Variants in NBPF15 observed in about 807,000 individuals in gnomAD.
NBPF15 encodes the protein NBPF member 15, also known as NBPF family member NBPF15.
In NBPF15, 74 loss-of-function variants were observed where a neutral mutation model predicts 62.2. That is an observed-to-expected ratio of 1.19 (90% CI 0.99 to 1.44). The LOEUF (loss-of-function observed/expected upper bound fraction) is 1.44. Among genes scored for constraint, NBPF15 ranks in the 40% most tolerant of loss-of-function variants. NBPF15 has a pLI of 0.00. For missense variants in NBPF15, 790 were observed against 550.0 expected (o/e 1.44, Z -4.36); for synonymous variants, 244 against 209.7 (o/e 1.16, Z -1.41).
At chr1:144,428,260 A>G (rs1430017176) in intron 15 of NBPF15, among the ~76,000 whole-genome samples, 6 of 151,802 alleles carry the variant, frequency 4.0e-5, no homozygotes, top group Non-Finnish European at 1.5e-5. Flanking sequence ...TGAGGGAATC[A>G]AAGGACACTC....
chr1:144,457,189 A>G (rs1291341325), intron 3 of NBPF15, among the ~76,000 whole-genome samples: 2 of 152,048 alleles, frequency 1.3e-5, no homozygotes, highest in Non-Finnish European at 2.9e-5. Flanking sequence ...TAAATACTTG[A>G]GTAGCCAGGG....
At chr1:144,459,716 C>T (rs1376247035) in intron 2 of NBPF15, among the ~76,000 whole-genome samples, 1 of 151,592 alleles carries the variant, frequency 6.6e-6, no homozygotes, top group African/African-American at 2.4e-5. Context: ...ACACAAATGA[C>T]AATAAAAGAT....
At chr1:144,453,727 C>T (rs111935999) in intron 4 of NBPF15, among the ~76,000 whole-genome samples, 1 of 142,436 alleles carries the variant, frequency 7.0e-6, no homozygotes, top group African/African-American at 2.6e-5. Context: ...GAGAAAGATG[C>T]TCAAAATCAT....
At chr1:144,429,421 G>A (rs1312771251) in intron 14 of NBPF15, among the ~76,000 whole-genome samples, 1 of 151,388 alleles carries the variant, frequency 6.6e-6, no homozygotes, top group Admixed American at 6.6e-5. Flanking sequence ...GCATAGTTTG[G>A]TGTGAGTTTG....
In NBPF15 at chr1:144,429,202, C is replaced by T. The variant is rs1238727350; in HGVS notation, c.988+498G>A. On this transcript the variant is annotated intron_variant, in intron 14 of 21. Coordinates refer to ENST00000581897, the MANE Select transcript of NBPF15 (RefSeq NM_001385408.1). ...ATGGACAGATGAGCTAAAACAAGCG[C>T]ACTTAGAAGACACAGAAAATGGGAA... Among the ~76,000 whole-genome samples the T allele has an allele frequency of 4.0e-5, 6 of 148,828 alleles. 1 individual carries two copies. Among genetic ancestry groups the T allele is most frequent in the African/African-American group, 1.3e-4 (5 of 38,504 alleles).
At chr1:144,453,424 G>A (rs1412351714) in intron 4 of NBPF15, among the ~76,000 whole-genome samples, 1 of 151,512 alleles carries the variant, frequency 6.6e-6, no homozygotes, top group Non-Finnish European at 1.5e-5. Context: ...TTCAATGATG[G>A]CTTCTTAGAT....
rs1270225013 is a variant in NBPF15, at chr1:144,442,377, T to C, written c.-190-2082A>G. ...ATACACATATATACATGTATACATG[T>C]ATATATATTATACAATATATATAAC... On this transcript the variant is annotated intron_variant, in intron 6 of 21. Coordinates refer to ENST00000581897, the MANE Select transcript of NBPF15 (RefSeq NM_001385408.1). Among the ~76,000 whole-genome samples the C allele has an allele frequency of 1.7e-4, 24 of 140,408 alleles. 1 individual carries two copies. The highest frequency in any genetic ancestry group is 5.5e-4 in the African/African-American group (21 of 38,024). The allele number at this position is 140,408 out of a possible 152,430, so 92.1% of individuals were successfully genotyped here.
intron 4 of NBPF15, among the ~76,000 whole-genome samples, chr1:144,456,049 C>A: frequency 6.6e-6 from 1 of 152,018 alleles, no homozygotes. Flanking sequence ...TTTCCCCATC[C>A]TGGACACATC....
chr1:144,427,717 C>G lies in NBPF15; in HGVS notation c.1213+101G>C, dbSNP rs1200037452. The G allele has an allele frequency of 4.0e-4, 247 of 613,930 alleles. 2 individuals carry two copies. In the African/African-American group the frequency reaches 4.6e-3, roughly 11 times the overall value. 38.0% of individuals were successfully genotyped at this position (613,930 alleles called of 1,614,324 possible). ...ATGTGCCTATAGGTCCTCCCTGTGG[C>G]AATGACATCTCTCAGCTCAGTAAGG... is the stretch of plus-strand genomic sequence containing the variant. On this transcript the variant is annotated intron_variant, in intron 16 of 21. Coordinates refer to ENST00000581897, the MANE Select transcript of NBPF15 (RefSeq NM_001385408.1).
chr1:144,436,335 G>A (rs1245029822), intron 10 of NBPF15, among the ~76,000 whole-genome samples: 3 of 152,002 alleles, frequency 2.0e-5, no homozygotes, highest in Admixed American at 2.0e-4. Flanking sequence ...GAGTGCTCCA[G>A]TCTGAAGCAC....
chr1:144,445,383 G>C (rs1387978271), intron 6 of NBPF15, among the ~76,000 whole-genome samples: 1 of 123,100 alleles, frequency 8.1e-6, no homozygotes, highest in Non-Finnish European at 1.7e-5. Flanking sequence ...ACACACACAC[G>C]TTTGTGTGTG....
intron 21 of NBPF15, 95 bp downstream of exon 21, chr1:144,423,775 T>C (rs1558596028): frequency 1.3e-5 from 9 of 716,842 alleles, no homozygotes; most frequent in Admixed American, 6.0e-5. Flanking sequence ...TCAGCCTTCG[T>C]TGAAAACATG....
intron 17 of NBPF15, 40 bp downstream of exon 17, chr1:144,427,007 G>C (rs1445235349): frequency 2.6e-6 from 2 of 759,826 alleles, no homozygotes; most frequent in Non-Finnish European, 4.8e-6. Flanking sequence ...ATCTCCAGGT[G>C]TCAACACACA....
Position 144,440,153 on chromosome 1 carries a change from T to C in NBPF15, c.-48A>G. 6.3e-7 allele frequency: 1 copy of C among 1,579,558 alleles called. No individual in the cohort carries two copies. Among genetic ancestry groups the C allele is most frequent in the African/African-American group, 1.3e-5 (1 of 74,452 alleles). On this transcript the variant is annotated 5_prime_UTR_variant, in exon 7 of 22. Coordinates refer to ENST00000581897, the MANE Select transcript of NBPF15 (RefSeq NM_001385408.1). Reference sequence around the variant, plus strand: ...ATTCTTAACTTACTGTTGTCAAAAATGTGATCACTCCCCACAGCACTTTAG... The same window carrying C: ...ATTCTTAACTTACTGTTGTCAAAAACGTGATCACTCCCCACAGCACTTTAG...
At position 144,424,006 on chromosome 1, in the gene NBPF15, T is replaced by A. The variant is rs201665384; in HGVS notation, c.1664-31A>T. 4 of 763,008 alleles carry A rather than the reference T, an allele frequency of 5.2e-6. No individual in the cohort carries two copies. The East Asian group carries it at 9.7e-5, about 19-fold the overall frequency. The allele number at this position is 763,008 out of a possible 1,614,324, so 47.3% of individuals were successfully genotyped here. On this transcript the variant is annotated intron_variant, in intron 20 of 21. Coordinates refer to ENST00000581897, the MANE Select transcript of NBPF15 (RefSeq NM_001385408.1). ...ATAAATTCAGACATGGACAGACACA[T>A]TAAGCTGATTCCCCTACACATATAA...
At chr1:144,431,388 C>A (rs1419671639) in intron 13 of NBPF15, among the ~76,000 whole-genome samples, 3 of 150,318 alleles carry the variant, frequency 2.0e-5, no homozygotes, top group East Asian at 3.9e-4. Context: ...GGCACAAACC[C>A]TACAAGCCAG....
At chr1:144,424,348 G>T (rs1668033807) in intron 20 of NBPF15, among the ~76,000 whole-genome samples, 1 of 151,368 alleles carries the variant, frequency 6.6e-6, no homozygotes, top group Admixed American at 6.6e-5. Context: ...TGGTTGTGAG[G>T]ACTTTAGACA....
In NBPF15 at chr1:144,422,827, A is replaced by G. The variant is rs560059454; in HGVS notation, c.*186T>C. The G allele has an allele frequency of 6.1e-3, 8,850 of 1,442,760 alleles. 109 individuals carry two copies. Among genetic ancestry groups the G allele is most frequent in the Middle Eastern group, 0.023 (91 of 3,902 alleles). The allele number at this position is 1,442,760 out of a possible 1,614,324, so 89.4% of individuals were successfully genotyped here. On this transcript the variant is annotated 3_prime_UTR_variant, in exon 22 of 22. Coordinates refer to ENST00000581897, the MANE Select transcript of NBPF15 (RefSeq NM_001385408.1). ...GTTATGTGAACGTGTCACACCTAAC[A>G]TGGGTCCATTGTCTTCAGATTGAGC...
At chr1:144,433,305 T>A (rs1210591914) in intron 13 of NBPF15, among the ~76,000 whole-genome samples, 4 of 151,974 alleles carry the variant, frequency 2.6e-5, no homozygotes, top group Non-Finnish European at 5.9e-5. Context: ...TAAAGCAATG[T>A]GTAGAGGGAA....
Sources: gnomAD v4.1 joint callset for allele counts (sites outside exome capture counted in the v4.1 genomes callset) on GRCh38, gnomAD v4.1.1 for gene constraint, MANE v1.5 for transcripts, NCBI Gene and HGNC (gene_info 2026-07-23, HGNC 2026-07-21) for gene names.